PVT1: variants seen among roughly 807,000 people sequenced by gnomAD.
PVT1 encodes CXCR4/PVT1 fusion.
chr8:127,897,825 A>AAAAGAAAAG (rs1563633459), intron 3 of PVT1, among the ~76,000 whole-genome samples: 1 of 148,934 alleles, frequency 6.7e-6, no homozygotes, highest in African/African-American at 2.5e-5. Flanking sequence ...AAAAGAAAAG[A>AAAAGAAAAG]AAAGAAAGAA....
chr8:128,087,747 C>CTTTTTTTTT (rs71568675), intron 5 of PVT1, among the ~76,000 whole-genome samples: 13 of 76,606 alleles, frequency 1.7e-4, no homozygotes, highest in African/African-American at 5.9e-4. Context: ...TGATGTGCTA[C>CTTTTTTTTT]TTTTTTTTTT....
intron 3 of PVT1, among the ~76,000 whole-genome samples, chr8:127,897,510 G>A (rs1251736411): frequency 2.2e-5 from 3 of 137,830 alleles, no homozygotes; most frequent in Non-Finnish European, 1.5e-5. Flanking sequence ...AAGGAAGGAA[G>A]GAAGGAAGGA....
intron 4 of PVT1, among the ~76,000 whole-genome samples, chr8:128,040,248 C>CAATGTGA (rs1813514811): frequency 6.6e-6 from 1 of 152,184 alleles, no homozygotes; most frequent in Non-Finnish European, 1.5e-5. Context: ...TTACCCTCCA[C>CAATGTGA]AATGTGAATG....
chr8:127,973,239 A>T (rs1000042427), intron 3 of PVT1, among the ~76,000 whole-genome samples: 1 of 152,016 alleles, frequency 6.6e-6, no homozygotes, highest in Non-Finnish European at 1.5e-5. Flanking sequence ...CTCCCTTGCC[A>T]TGTGTGCACA....
At chr8:127,876,091 A>G (rs1016169423) in intron 2 of PVT1, among the ~76,000 whole-genome samples, 2 of 152,212 alleles carry the variant, frequency 1.3e-5, no homozygotes, top group Non-Finnish European at 2.9e-5. Flanking sequence ...CCGGATCTGC[A>G]TTGGAGCAAG....
At chr8:127,879,597 C>T (rs931134907) in intron 2 of PVT1, among the ~76,000 whole-genome samples, 1 of 152,146 alleles carries the variant, frequency 6.6e-6, no homozygotes, top group South Asian at 2.1e-4. Flanking sequence ...TGCCTGGGCT[C>T]GTATCCTAGC....
intron 3 of PVT1, among the ~76,000 whole-genome samples, chr8:127,926,933 T>C (rs78391391): frequency 6.6e-6 from 1 of 152,200 alleles, no homozygotes; most frequent in East Asian, 1.9e-4. Context: ...AAGGTCTGCA[T>C]TGAATCACAG....
At chr8:127,868,308 A>G (rs541748025) in intron 2 of PVT1, among the ~76,000 whole-genome samples, 7 of 152,282 alleles carry the variant, frequency 4.6e-5, no homozygotes, top group African/African-American at 1.4e-4. Flanking sequence ...CCACCCAGAA[A>G]TGAAACAGTG....
chr8:128,061,312 A>C (rs904393747), intron 4 of PVT1, among the ~76,000 whole-genome samples: 5 of 152,236 alleles, frequency 3.3e-5, no homozygotes, highest in Admixed American at 6.5e-5. Flanking sequence ...AGGTTCATCT[A>C]AGTTACAACA....
intron 2 of PVT1, among the ~76,000 whole-genome samples, chr8:127,860,764 CAAAA>C (rs1224612475): frequency 6.3e-5 from 4 of 63,142 alleles, no homozygotes; most frequent in Non-Finnish European, 7.4e-5. Context: ...GACCCAATCT[CAAAA>C]AAAAAAAAAA....
At chr8:128,035,898 A>G (rs1813456124) in intron 4 of PVT1, among the ~76,000 whole-genome samples, 2 of 152,242 alleles carry the variant, frequency 1.3e-5, no homozygotes, top group African/African-American at 4.8e-5. Flanking sequence ...GAGCTCCAGA[A>G]GGACCCAGCC....
At chr8:128,033,801 A>G (rs1364158356) in intron 4 of PVT1, among the ~76,000 whole-genome samples, 7 of 152,190 alleles carry the variant, frequency 4.6e-5, no homozygotes, top group Non-Finnish European at 1.0e-4. Context: ...TCACCATGGC[A>G]TAGCCCCAGG....
At chr8:128,031,027 G>A (rs1002319920) in intron 4 of PVT1, among the ~76,000 whole-genome samples, 3 of 152,194 alleles carry the variant, frequency 2.0e-5, no homozygotes, top group South Asian at 4.1e-4. Context: ...CCCAACCATC[G>A]TGTTGACAGC....
At chr8:127,922,307 A>C (rs1816072045) in intron 3 of PVT1, among the ~76,000 whole-genome samples, 1 of 129,382 alleles carries the variant, frequency 7.7e-6, no homozygotes, top group Non-Finnish European at 1.6e-5. Context: ...GGCTAGGACA[A>C]GTGACAAAAG....
At chr8:127,799,140 G>T (rs1262957893) in intron 2 of PVT1, among the ~76,000 whole-genome samples, 1 of 151,834 alleles carries the variant, frequency 6.6e-6, no homozygotes, top group Non-Finnish European at 1.5e-5. Flanking sequence ...GGTGGGGGGG[G>T]AGGTATGGCA....
intron 5 of PVT1, among the ~76,000 whole-genome samples, chr8:128,092,329 C>G (rs1046734551): frequency 6.6e-6 from 1 of 151,976 alleles, no homozygotes; most frequent in African/African-American, 2.4e-5. Flanking sequence ...CTCCCTGAAG[C>G]TCTTCCCTTC....
At chr8:127,858,782 C>T (rs74578038) in intron 2 of PVT1, among the ~76,000 whole-genome samples, 10,523 of 92,784 alleles carry the variant, frequency 0.11, 518 homozygotes, top group African/African-American at 0.18. Context: ...TTCTTTTTCT[C>T]TTGTGGACTA....
At chr8:127,946,992 TA>T (rs1490846553) in intron 3 of PVT1, 1 of 152,224 alleles carries the variant, frequency 6.6e-6, no homozygotes, top group East Asian at 1.9e-4. Context: ...AACAAATATT[TA>T]TTGAAATGCA....
chr8:127,819,318 C>T (rs1373990492), intron 2 of PVT1, among the ~76,000 whole-genome samples: 1 of 152,212 alleles, frequency 6.6e-6, no homozygotes, highest in African/African-American at 2.4e-5. Flanking sequence ...TTGCTTTCCT[C>T]ATCTGTTAGT....
Sources: gnomAD v4.1 joint callset for allele counts (sites outside exome capture counted in the v4.1 genomes callset) on GRCh38, gnomAD v4.1.1 for gene constraint, MANE v1.5 for transcripts, NCBI Gene and HGNC (gene_info 2026-07-23, HGNC 2026-07-21) for gene names.